TGM1: variants seen among roughly 807,000 people sequenced by gnomAD.
The protein encoded by TGM1 is transglutaminase 1, also known as protein-glutamine gamma-glutamyltransferase K.
Under a neutral mutation model 88.7 loss-of-function variants are expected in TGM1, and 63 were observed. The ratio of observed to expected loss-of-function variants is 0.71; its 90% CI spans 0.58 to 0.88. TGM1 has a LOEUF of 0.88. Ranked by LOEUF, TGM1 falls within the 40% of genes least tolerant of loss-of-function variation. TGM1 has a pLI of 0.00. For missense variants in TGM1, 996 were observed against 1,118.0 expected, an observed-to-expected ratio of 0.89 and a Z score of 1.56; for synonymous variants, 415 against 431.1, an observed-to-expected ratio of 0.96 and a Z score of 0.46.
chr14:24,254,806 G>A lies in TGM1; in HGVS notation c.1946C>T (p.Pro649Leu). The A allele has an allele frequency of 6.2e-7, 1 of 1,613,872 alleles. No homozygotes were observed. The highest frequency in any genetic ancestry group is 2.2e-5 in the East Asian group (1 of 44,892). The change falls in exon 13 of 15, where the codon CCA becomes CTA. Residue 649 changes from proline to leucine, a missense_variant. Coordinates refer to ENST00000206765, the MANE Select transcript of TGM1 (RefSeq NM_000359.3). ...GGGCCGGTATTCCTTGTAGGCCACT[G>A]GCATGGTCACACGGTCCGCTGTGGA... is the stretch of plus-strand genomic sequence containing the variant. ...APGASDRVTM[P>L]VAYKEYRPHL... is the part of the protein sequence containing the mutation.
Position 24,254,703 on chromosome 14 carries a change from C to T in TGM1, c.2049G>A (p.Gln683=). The change falls in exon 13 of 15, where the codon CAG becomes CAA. Residue 683 remains glutamine, a synonymous_variant. Transcript: ENST00000206765. ...VKESGQVLAK[Q]HTFRLRTPDL... ...CTGGGGTGCGCAGACGGAAGGTGTG[C>T]TGCTTGGCCAGCACCTGCCCGCTCT... 6.2e-7 allele frequency: 1 copy of T among 1,613,994 alleles called. No homozygotes were observed. Among genetic ancestry groups the T allele is most frequent in the Non-Finnish European group, 8.5e-7 (1 of 1,180,036 alleles).
At chr14:24,258,705 A>G in intron 7 of TGM1, 32 bp from the exon 8 acceptor site, 5 of 1,612,162 alleles carry the variant, frequency 3.1e-6, no homozygotes, top group Non-Finnish European at 4.2e-6. Flanking sequence ...GGTTCAAGGC[A>G]TGGGTTGGGG....
In TGM1 at chr14:24,260,707, G is replaced by C; in HGVS notation, c.509-9C>G. 1 of 1,614,074 alleles carries C rather than the reference G, an allele frequency of 6.2e-7. No individual in the cohort carries two copies. Among genetic ancestry groups the C allele is most frequent in the Non-Finnish European group, 8.5e-7 (1 of 1,180,022 alleles). ...CACCTCGGGGTTGTTTCCTAGAGTA[G>C]GAAATCAGCAATTAGCTGGCAAGGC... On this transcript the variant is annotated splice_polypyrimidine_tract_variant and intron_variant, in intron 3 of 14. Coordinates refer to ENST00000206765, the MANE Select transcript of TGM1 (RefSeq NM_000359.3).
At chr14:24,254,541 T>C in intron 13 of TGM1, 123 bp downstream of exon 13, 1 of 1,503,196 alleles carries the variant, frequency 6.7e-7, no homozygotes, top group Non-Finnish European at 9.1e-7. Context: ...AGCCGGTCCT[T>C]GACCTTCTCC....
rs199678720 is a variant in TGM1 at position 24,260,628 on chromosome 14, C to G, written c.579G>C (p.Trp193Cys). The change falls in exon 4 of 15, where the codon TGG (tryptophan) becomes TGC (cysteine). Residue 193 changes from tryptophan (W) to cysteine (C), a missense_variant. Trp to Cys is a radical substitution (Grantham distance 215, BLOSUM62 -2). Coordinates refer to ENST00000206765, the MANE Select transcript of TGM1 (RefSeq NM_000359.3). ...IPVGKGGSGG[W>C]KAQVVKASGQ... ...CACTGGCCTTGACCACCTGGGCTTT[C>G]CAGCCTCCACTGCCCCCCTTGCCCA... 5 of 1,614,160 alleles carry G rather than the reference C, an allele frequency of 3.1e-6. No individual in the cohort carries two copies. The South Asian group carries it at 5.5e-5, about 18-fold the overall frequency.
intron 3 of TGM1, 120 bp from the exon 4 acceptor site, chr14:24,260,818 G>T: frequency 7.4e-7 from 1 of 1,342,892 alleles, no homozygotes; most frequent in Non-Finnish European, 1.0e-6. Flanking sequence ...CCCTACGTTG[G>T]GCCATCACCT....
rs572076149 is a variant in TGM1 at position 24,258,087 on chromosome 14, T to G, written c.1402+198A>C. The stretch of plus-strand genomic sequence containing the variant: ...TAAACCATTATAAATAAGTAAAATG[T>G]AGGCAAATAGAGAGTTATATAGAAT... On this transcript the variant is annotated intron_variant, in intron 9 of 14. Transcript: ENST00000206765. Among the ~76,000 whole-genome samples, 12 of 152,350 alleles carry G rather than the reference T, an allele frequency of 7.9e-5. No homozygotes were observed. In the South Asian group the frequency reaches 8.3e-4, roughly 11 times the overall value.
rs750349362 is a variant in TGM1, at chr14:24,255,977, C to G, written c.1491+12G>C. The G allele has an allele frequency of 1.9e-6, 3 of 1,554,956 alleles. No individual in the cohort carries two copies. Among genetic ancestry groups the G allele is most frequent in the Non-Finnish European group, 1.7e-6 (2 of 1,148,254 alleles). On this transcript the variant is annotated intron_variant, in intron 10 of 14. Transcript: ENST00000206765. The surrounding 1 kb of genome is among the most constrained non-coding windows in gnomAD (Gnocchi z 4.0). ...CTGAAGCCCAAGAAGGCACCTGGAG[C>G]CCAGCCCTCACCTCAGCAAAAATGA...
In TGM1 at chr14:24,261,779, G is replaced by A. The variant is rs121918716; in HGVS notation, c.424C>T (p.Arg142Cys). Residue 142 changes from arginine to cysteine, a missense_variant, in exon 3 of 15, where the codon CGC (arginine) becomes TGC (cysteine). By Grantham distance (180) the Arg-to-Cys change is radical. Transcript: ENST00000206765. ...DEYEYDELIV[R>C]RGQPFHMLLL... Reference sequence around the variant, plus strand: ...AGCATATGGAAAGGCTGCCCGCGGCGCACTATCAGCTCGTCGTACTCATAC... The same window carrying A: ...AGCATATGGAAAGGCTGCCCGCGGCACACTATCAGCTCGTCGTACTCATAC... The A allele has an allele frequency of 6.8e-6, 11 of 1,613,938 alleles. No individual in the cohort carries two copies. Among genetic ancestry groups the A allele is most frequent in the East Asian group, 4.5e-5 (2 of 44,888 alleles).
At chr14:24,261,637 C>CCAGCCGTGT (rs1208992105) in intron 3 of TGM1, 58 bp downstream of exon 3, 13 of 1,607,884 alleles carry the variant, frequency 8.1e-6, no homozygotes, top group Middle Eastern at 1.7e-4. Flanking sequence ...GACCCTAATG[C>CCAGCCGTGT]CAGCCTCTCC....
chr14:24,256,365 G>A (rs2040751709), intron 9 of TGM1, among the ~76,000 whole-genome samples: 2 of 152,238 alleles, frequency 1.3e-5, no homozygotes, highest in Admixed American at 1.3e-4. Context: ...GGGTACAGAT[G>A]TGCGGACCAG....
At chr14:24,254,017 G>T (rs1366154248) in intron 14 of TGM1, 135 bp downstream of exon 14, 22 of 1,286,790 alleles carry the variant, frequency 1.7e-5, no homozygotes, top group Non-Finnish European at 2.3e-5. Flanking sequence ...GGTATTGCTA[G>T]CTGGCCCCAA....
At chr14:24,261,640 G>C in intron 3 of TGM1, 55 bp downstream of exon 3, 2 of 1,608,170 alleles carry the variant, frequency 1.2e-6, no homozygotes, top group South Asian at 1.1e-5. Context: ...CCTAATGCCA[G>C]CCTCTCCCCA....
rs1211609731 is a variant in TGM1 at position 24,255,608 on chromosome 14, A to G, written c.1492-91T>C. ...CCTCCTTCCCCTGATCCCAGGAGCT[A>G]TGGGACAGGGCTTGGTCCCAAGGGT... On this transcript the variant is annotated intron_variant, in intron 10 of 14. Coordinates refer to ENST00000206765, the MANE Select transcript of TGM1 (RefSeq NM_000359.3). The surrounding 1 kb of genome is among the most constrained non-coding windows in gnomAD (Gnocchi z 4.0). 7.1e-6 allele frequency: 11 copies of G among 1,549,670 alleles called. No individual in the cohort carries two copies. The Admixed American group carries it at 1.5e-4, about 21-fold the overall frequency.
intron 14 of TGM1, among the ~76,000 whole-genome samples, chr14:24,252,635 A>G (rs577520545): frequency 3.9e-5 from 6 of 152,114 alleles, no homozygotes; most frequent in African/African-American, 1.4e-4. Flanking sequence ...CCAGGGGCCC[A>G]GGCTGGGGCA....
In TGM1 at chr14:24,255,654, C is replaced by A. The variant is rs920505733; in HGVS notation, c.1492-137G>T. On this transcript the variant is annotated intron_variant, in intron 10 of 14. Transcript: ENST00000206765. This position sits in a 1 kb window ranked among gnomAD's most constrained non-coding sequence, Gnocchi z 4.0. The stretch of plus-strand genomic sequence containing the variant: ...AGGGTGGGAGCTTCCTGGCAGAGCC[C>A]AAGGGGAGACTTTCCAAGACGAGCC... 18 of 1,184,278 alleles carry A rather than the reference C, an allele frequency of 1.5e-5. No individual in the cohort carries two copies. The Admixed American group carries it at 2.2e-4, about 14-fold the overall frequency. The allele number at this position is 1,184,278 out of a possible 1,614,324, so 73.4% of individuals were successfully genotyped here.
chr14:24,254,321 G>A lies in TGM1; in HGVS notation c.2089-33C>T, dbSNP rs373621867. On this transcript the variant is annotated intron_variant, in intron 13 of 14. Transcript: ENST00000206765. ...AAAAAGAGGCCCATCCCCCACGTCA[G>A]AGACCCTGGCCAAACACACGGGGAC... is the stretch of plus-strand genomic sequence containing the variant. 3.2e-5 allele frequency: 52 copies of A among 1,613,708 alleles called. No individual in the cohort carries two copies. In the African/African-American group the frequency reaches 6.5e-4, roughly 20 times the overall value.
In TGM1 at chr14:24,255,649, G is replaced by A. The variant is rs2040744684; in HGVS notation, c.1492-132C>T. On this transcript the variant is annotated intron_variant, in intron 10 of 14. Coordinates refer to ENST00000206765, the MANE Select transcript of TGM1 (RefSeq NM_000359.3). The surrounding 1 kb of genome is among the most constrained non-coding windows in gnomAD (Gnocchi z 4.0). ...TCCCAAGGGTGGGAGCTTCCTGGCA[G>A]AGCCCAAGGGGAGACTTTCCAAGAC... 8.1e-7 allele frequency: 1 copy of A among 1,239,608 alleles called. No homozygotes were observed. The highest frequency in any genetic ancestry group is 1.5e-5 in the African/African-American group (1 of 67,762). The allele number at this position is 1,239,608 out of a possible 1,614,324, so 76.8% of individuals were successfully genotyped here.
At position 24,254,953 on chromosome 14, in the gene TGM1, CT is replaced by C. The variant is rs771153533; in HGVS notation, c.1927+18del. ...GTGCCCAGCCATCCAGGGGGCAGGG[CT>C]GGGTAAGGAGCACTTACAGGCCCCT... On this transcript the variant is annotated intron_variant, in intron 12 of 14. Transcript: ENST00000206765. 6.2e-7 allele frequency: 1 copy of C among 1,613,514 alleles called. No homozygotes were observed. Among genetic ancestry groups the C allele is most frequent in the South Asian group, 1.1e-5 (1 of 91,066 alleles).
Sources: gnomAD v4.1 joint callset for allele counts (sites outside exome capture counted in the v4.1 genomes callset) on GRCh38, gnomAD v4.1.1 for gene constraint, Gnocchi (gnomAD v3.1) non-coding constraint, MANE v1.5 for transcripts, NCBI Gene and HGNC (gene_info 2026-07-23, HGNC 2026-07-21) for gene names.